The following HERC4 variants were observed in gnomAD, a reference collection of about 807,000 sequenced individuals.
HERC4 encodes probable E3 ubiquitin-protein ligase HERC4.
Under a neutral mutation model 124.3 loss-of-function variants are expected in HERC4, and 28 were observed. That is an observed-to-expected ratio of 0.23 (90% CI 0.17 to 0.31). The LOEUF (loss-of-function observed/expected upper bound fraction) is 0.31. Ranked by LOEUF, HERC4 falls within the 10% of genes least tolerant of loss-of-function variation. The pLI is 1.00. For missense variants in HERC4, 713 were observed against 1,229.3 expected, an observed-to-expected ratio of 0.58 and a Z score of 6.28; for synonymous variants, 407 against 421.5, an observed-to-expected ratio of 0.97 and a Z score of 0.42.
intron 11 of HERC4, among the ~76,000 whole-genome samples, chr10:67,991,917 A>G (rs891969402): frequency 4.4e-4 from 67 of 151,842 alleles, no homozygotes; most frequent in African/African-American, 1.6e-3. Flanking sequence ...TTTTTTTTGG[A>G]GACAAGTTCT....
chr10:68,057,023 G>A (rs543363068), intron 3 of HERC4, among the ~76,000 whole-genome samples: 1 of 152,228 alleles, frequency 6.6e-6, no homozygotes, highest in South Asian at 2.1e-4. Context: ...GATAAAGATA[G>A]CTAACTGCAA....
intron 9 of HERC4, chr10:68,010,829 T>G: frequency 6.5e-7 from 1 of 1,533,116 alleles, no homozygotes; most frequent in East Asian, 2.3e-5. Context: ...CTTCAGGAGC[T>G]TGGCAAATTG....
intron 9 of HERC4, among the ~76,000 whole-genome samples, chr10:68,012,684 C>G (rs924291068): frequency 1.3e-5 from 2 of 152,266 alleles, no homozygotes; most frequent in Middle Eastern, 3.4e-3. Flanking sequence ...TTTTGAAATA[C>G]TGTTAAGAAT....
intron 15 of HERC4, among the ~76,000 whole-genome samples, chr10:67,968,908 T>A (rs1376570763): frequency 6.6e-6 from 1 of 152,136 alleles, no homozygotes; most frequent in South Asian, 2.1e-4. Context: ...GTATAGATGA[T>A]CTGAATAACA....
chr10:68,023,940 TTAAG>T (rs2038775977), intron 8 of HERC4, among the ~76,000 whole-genome samples: 1 of 152,152 alleles, frequency 6.6e-6, no homozygotes, highest in Non-Finnish European at 1.5e-5. Context: ...AATGGCACTA[TTAAG>T]TAAAATATTA....
chr10:68,059,607 T>C lies in HERC4; in HGVS notation c.226+13276A>G, dbSNP rs1463397748. 4.3e-5 allele frequency among the ~76,000 whole-genome samples: 4 copies of C among 92,090 alleles called. 1 individual carries two copies. The highest frequency in any genetic ancestry group is 2.2e-4 in the African/African-American group (4 of 18,516). The allele number at this position is 92,090 out of a possible 152,430, so 60.4% of individuals were successfully genotyped here. A position where few individuals can be genotyped will look rare whatever the true frequency, so the allele number is the denominator to read the frequency against. On this transcript the variant is annotated intron_variant, in intron 3 of 24. Transcript: ENST00000373700. Reference sequence around the variant, plus strand: ...ATATATCATATTATATATCATAATATTATATATCATAATATTATATATCAT... The same window carrying C: ...ATATATCATATTATATATCATAATACTATATATCATAATATTATATATCAT...
chr10:67,941,139 C>T (rs751556600), intron 19 of HERC4, 34 bp from the exon 20 acceptor site: 4 of 1,392,102 alleles, frequency 2.9e-6, no homozygotes, highest in Admixed American at 5.2e-5. Context: ...CACATGTCCT[C>T]CAAGTTAAAA....
chr10:68,072,129 A>G (rs1030503796), intron 3 of HERC4, among the ~76,000 whole-genome samples: 1 of 152,218 alleles, frequency 6.6e-6, no homozygotes, highest in Non-Finnish European at 1.5e-5. Context: ...ACCTGAAATC[A>G]TTAACTTTTA....
At chr10:68,064,513 C>T (rs1251451439) in intron 3 of HERC4, among the ~76,000 whole-genome samples, 1 of 136,560 alleles carries the variant, frequency 7.3e-6, no homozygotes, top group Admixed American at 8.3e-5. Flanking sequence ...AAGATGGCAC[C>T]ACTGCACTCC....
intron 17 of HERC4, 24 bp downstream of exon 17, chr10:67,956,854 A>AG: frequency 7.0e-7 from 1 of 1,426,114 alleles, no homozygotes; most frequent in Non-Finnish European, 9.6e-7. Context: ...TTAAAAAAAA[A>AG]AACCCTCTCA....
chr10:68,013,968 C>A, intron 9 of HERC4, 58 bp downstream of exon 9: 3 of 1,371,684 alleles, frequency 2.2e-6, no homozygotes, highest in South Asian at 1.6e-5. Context: ...GATTTAAGAG[C>A]AACATTTTAA....
chr10:68,000,486 G>A (rs564836773), intron 9 of HERC4, among the ~76,000 whole-genome samples: 2 of 151,980 alleles, frequency 1.3e-5, no homozygotes, highest in Non-Finnish European at 2.9e-5. Context: ...GGCTGAGGTG[G>A]GAGGATCGCT....
chr10:68,055,504 CA>C (rs1192004185), intron 3 of HERC4, among the ~76,000 whole-genome samples: 1 of 152,176 alleles, frequency 6.6e-6, no homozygotes, highest in Admixed American at 6.5e-5. Flanking sequence ...CAGAGGAATA[CA>C]ATTAACGTAT....
intron 3 of HERC4, among the ~76,000 whole-genome samples, chr10:68,052,356 T>C (rs1478959383): frequency 1.3e-5 from 2 of 152,186 alleles, no homozygotes; most frequent in African/African-American, 4.8e-5. Context: ...CCTTCTTTGC[T>C]TCTTAAAGAA....
At chr10:67,964,127 A>C (rs2034706667) in intron 16 of HERC4, among the ~76,000 whole-genome samples, 1 of 148,030 alleles carries the variant, frequency 6.8e-6, no homozygotes, top group East Asian at 1.9e-4. Flanking sequence ...TTCAATGCAG[A>C]ACTTCGTCAA....
At chr10:68,046,861 G>C (rs917551057) in intron 3 of HERC4, among the ~76,000 whole-genome samples, 2 of 152,114 alleles carry the variant, frequency 1.3e-5, no homozygotes, top group African/African-American at 4.8e-5. Context: ...GGGAGACAGA[G>C]TGGGGAGAAT....
chr10:68,059,567 AT>A (rs1359614337), intron 3 of HERC4, among the ~76,000 whole-genome samples: 4 of 84,880 alleles, frequency 4.7e-5, no homozygotes, highest in African/African-American at 1.4e-4. Context: ...ATATCATAAT[AT>A]TATATATCAT....
chr10:67,983,423 G>C (rs1319233853), intron 15 of HERC4, among the ~76,000 whole-genome samples: 1 of 152,116 alleles, frequency 6.6e-6, no homozygotes, highest in Non-Finnish European at 1.5e-5. Flanking sequence ...TGCACTACCA[G>C]GTCTACTGCT....
At chr10:67,932,157 A>G (rs2031885821) in intron 23 of HERC4, among the ~76,000 whole-genome samples, 1 of 152,038 alleles carries the variant, frequency 6.6e-6, no homozygotes, top group Admixed American at 6.6e-5. Context: ...AGGTTTCACC[A>G]TGTTGGCCAG....
Sources: allele counts gnomAD v4.1 joint callset (sites outside exome capture counted in the v4.1 genomes callset), GRCh38; gene constraint gnomAD v4.1.1; transcripts MANE v1.5; gene names NCBI Gene and HGNC (gene_info 2026-07-23, HGNC 2026-07-21).